The following RFX7 variants were observed in gnomAD, a reference collection of about 807,000 sequenced individuals.
RFX7 encodes the protein regulatory factor X7.
In RFX7, 26 loss-of-function variants were observed where a neutral mutation model predicts 111.8. The ratio of observed to expected loss-of-function variants is 0.23; its 90% confidence interval spans 0.17 to 0.32. The LOEUF is 0.32. RFX7 is among the 10% of genes least tolerant of loss of function. RFX7 has a pLI of 1.00. For synonymous variants in RFX7, 624 were observed against 624.4 expected (o/e 1.00, Z 0.01); for missense variants, 1,573 against 1,772.9 (o/e 0.89, Z 2.02).
chr15:56,194,825 G>A (rs1408715578), intron 2 of RFX7, among the ~76,000 whole-genome samples: 1 of 152,140 alleles, frequency 6.6e-6, no homozygotes, highest in Non-Finnish European at 1.5e-5. Context: ...GGGAATGAAA[G>A]ATGATATGGC....
intron 2 of RFX7, among the ~76,000 whole-genome samples, chr15:56,229,117 A>T (rs1471843461): frequency 2.0e-5 from 3 of 152,190 alleles, no homozygotes. Flanking sequence ...TAAAACTCAC[A>T]AATTTTTTTT....
At chr15:56,227,987 G>C (rs1427190614) in intron 2 of RFX7, among the ~76,000 whole-genome samples, 1 of 152,024 alleles carries the variant, frequency 6.6e-6, no homozygotes, top group Non-Finnish European at 1.5e-5. Context: ...AAAATTCTAG[G>C]TTGGCGGTTT....
chr15:56,111,656 TAAACCAAAAAAAAAAAAAAAA>T (rs1295421427), intron 5 of RFX7, among the ~76,000 whole-genome samples: 2 of 20,266 alleles, frequency 9.9e-5, no homozygotes, highest in South Asian at 1.4e-3. Flanking sequence ...AAAAAATAAA[TAAACCAAAAAAAAAAAAAAAA>T]AAACCAAAAA....
chr15:56,096,846 A>G (rs1567005293), intron 9 of RFX7, among the ~76,000 whole-genome samples: 1 of 152,044 alleles, frequency 6.6e-6, no homozygotes, highest in Non-Finnish European at 1.5e-5. Flanking sequence ...AAGAACATTA[A>G]GTTACTTTTC....
intron 6 of RFX7, among the ~76,000 whole-genome samples, chr15:56,102,552 C>T (rs2041768951): frequency 6.6e-6 from 1 of 152,090 alleles, no homozygotes; most frequent in African/African-American, 2.4e-5. Context: ...CAGTAACAAA[C>T]AGGTCAGAAG....
rs551264061 is a variant in RFX7, at chr15:56,106,315, G to A, written c.402-2645C>T. ...AACAACCTCATTGTCGAATACTCTG[G>A]TGGATAAATATTAAAAGTACTTTGT... On this transcript the variant is annotated intron_variant, in intron 5 of 9. Transcript: ENST00000559447. Among the ~76,000 whole-genome samples the A allele has an allele frequency of 2.0e-5, 3 of 152,220 alleles. No individual in the cohort carries two copies. The South Asian group carries it at 6.2e-4, about 32-fold the overall frequency.
rs569582359 is a variant in RFX7 at position 56,147,740 on chromosome 15, A to AT, written c.196-3258dup. Reference sequence around the variant, plus strand: ...TGGCACCCGCCACCAGGCCCAGCCAATTTTTTGCATTTTTAGTAGACACAG... The same window carrying AT: ...TGGCACCCGCCACCAGGCCCAGCCAATTTTTTTGCATTTTTAGTAGACACAG... On this transcript the variant is annotated intron_variant, in intron 3 of 9. Coordinates refer to ENST00000559447, the MANE Select transcript of RFX7 (RefSeq NM_022841.7). Among the ~76,000 whole-genome samples, 62 of 152,056 alleles carry AT rather than the reference A, an allele frequency of 4.1e-4. 1 individual carries two copies. The highest frequency in any genetic ancestry group is 1.5e-3 in the African/African-American group (61 of 41,464).
intron 5 of RFX7, among the ~76,000 whole-genome samples, chr15:56,114,338 G>A (rs2041978117): frequency 6.7e-6 from 1 of 150,244 alleles, no homozygotes; most frequent in Admixed American, 6.6e-5. Flanking sequence ...TTTAACCCGG[G>A]AGGTGGAGGT....
At chr15:56,175,027 C>A (rs1368420148) in intron 3 of RFX7, among the ~76,000 whole-genome samples, 1 of 152,096 alleles carries the variant, frequency 6.6e-6, no homozygotes, top group Non-Finnish European at 1.5e-5. Context: ...GAAATTAAAA[C>A]TCTTTTTATT....
At chr15:56,154,660 C>T (rs576667742) in intron 3 of RFX7, among the ~76,000 whole-genome samples, 3 of 152,242 alleles carry the variant, frequency 2.0e-5, no homozygotes, top group East Asian at 3.9e-4. Flanking sequence ...AAACGTAAGA[C>T]CTAGGACCAT....
chr15:56,207,684 G>A (rs2043268156), intron 2 of RFX7, among the ~76,000 whole-genome samples: 1 of 152,114 alleles, frequency 6.6e-6, no homozygotes, highest in Non-Finnish European at 1.5e-5. Flanking sequence ...CTCTACAAAA[G>A]ACTGTTAAGC....
At chr15:56,097,433 G>A (rs1001768371) in intron 9 of RFX7, among the ~76,000 whole-genome samples, 6 of 151,954 alleles carry the variant, frequency 3.9e-5, no homozygotes, top group South Asian at 4.2e-4. Context: ...AAAGAAAAGC[G>A]TTTAAATTTT....
intron 3 of RFX7, among the ~76,000 whole-genome samples, chr15:56,177,263 C>G (rs1312757619): frequency 6.6e-6 from 1 of 152,140 alleles, no homozygotes; most frequent in Non-Finnish European, 1.5e-5. Flanking sequence ...AGAGAAGATT[C>G]TCAGAGAAGC....
chr15:56,196,978 C>T (rs1187398098), intron 2 of RFX7, among the ~76,000 whole-genome samples: 9 of 152,088 alleles, frequency 5.9e-5, no homozygotes, highest in Non-Finnish European at 1.2e-4. Context: ...TGCCAAATTG[C>T]CTTTCAAGGT....
rs778859601 is a variant in RFX7, at chr15:56,101,486, C to G, written c.684G>C (p.Glu228Asp). Residue 228 changes from glutamate to aspartate, a missense_variant, in exon 8 of 10, where the codon GAG becomes GAC. Coordinates refer to ENST00000559447, the MANE Select transcript of RFX7 (RefSeq NM_022841.7). ...GTTGGCTTAACACTTTCTGGGCCCA[C>G]TCACACACAAGACGGCAAGCAGAAG... ...VISSACRLVC[E>D]WAQKVLSQPF... 1.2e-6 allele frequency: 2 copies of G among 1,613,678 alleles called. No homozygotes were observed. Among genetic ancestry groups the G allele is most frequent in the Middle Eastern group, 1.7e-4 (1 of 6,060 alleles).
At chr15:56,188,795 A>G (rs1314191266) in intron 2 of RFX7, among the ~76,000 whole-genome samples, 1 of 152,204 alleles carries the variant, frequency 6.6e-6, no homozygotes, top group Non-Finnish European at 1.5e-5. Flanking sequence ...GTGAGAGCTG[A>G]CAAAGATTTC....
At chr15:56,214,289 T>G (rs550534709) in intron 2 of RFX7, among the ~76,000 whole-genome samples, 1 of 152,228 alleles carries the variant, frequency 6.6e-6, no homozygotes, top group Non-Finnish European at 1.5e-5. Flanking sequence ...AAAAATATTT[T>G]GATTAAAATT....
chr15:56,093,282 C>T lies in RFX7; in HGVS notation c.*63G>A. The T allele has an allele frequency of 1.5e-6, 2 of 1,371,704 alleles. No homozygotes were observed. The highest frequency in any genetic ancestry group is 2.0e-6 in the Non-Finnish European group (2 of 1,021,656). The allele number at this position is 1,371,704 out of a possible 1,614,324, so 85.0% of individuals were successfully genotyped here. On this transcript the variant is annotated 3_prime_UTR_variant, in exon 10 of 10. Coordinates refer to ENST00000559447, the MANE Select transcript of RFX7 (RefSeq NM_022841.7). ...GTATTTCTGCTGCGGGAGGCACTTC[C>T]ATTAAGACAAATACAATACATATGT...
intron 2 of RFX7, among the ~76,000 whole-genome samples, chr15:56,186,403 TTAAG>T (rs1466490159): frequency 3.9e-5 from 6 of 152,230 alleles, no homozygotes; most frequent in African/African-American, 1.4e-4. Context: ...ACGACCTTTC[TTAAG>T]TAAGCTCCCC....
Sources: allele counts gnomAD v4.1 joint callset (sites outside exome capture counted in the v4.1 genomes callset), GRCh38; gene constraint gnomAD v4.1.1; transcripts MANE v1.5; gene names NCBI Gene and HGNC (gene_info 2026-07-23, HGNC 2026-07-21).